Variants in SIRPG observed in about 807,000 individuals in gnomAD.
SIRPG encodes signal-regulatory protein gamma.
In SIRPG, 38 loss-of-function variants were observed where a neutral mutation model predicts 35.7. The ratio of observed to expected loss-of-function variants is 1.06; its 90% confidence interval spans 0.82 to 1.40. The LOEUF (loss-of-function observed/expected upper bound fraction) is 1.40, where lower values mean the gene tolerates loss of function less well. Ranked by LOEUF, SIRPG falls within the 40% of genes most tolerant of loss-of-function variation. The pLI is 0.00. For missense variants in SIRPG, 519 were observed against 483.0 expected, an observed-to-expected ratio of 1.07 and a Z score of -0.70; for synonymous variants, 215 against 190.4, an observed-to-expected ratio of 1.13 and a Z score of -1.06.
chr20:1,632,935 C>G (rs1337609313), intron 4 of SIRPG, among the ~76,000 whole-genome samples: 1 of 151,844 alleles, frequency 6.6e-6, no homozygotes, highest in Non-Finnish European at 1.5e-5. Flanking sequence ...AACACAAAAA[C>G]AATTTAAAAA....
chr20:1,659,922 C>T (rs1032197206), upstream of SIRPG, among the ~76,000 whole-genome samples: 2 of 152,128 alleles, frequency 1.3e-5, no homozygotes, highest in African/African-American at 4.8e-5. Context: ...GCAAGAATCA[C>T]CAAAGATTTG....
At chr20:1,661,388 G>A (rs909335076), upstream of SIRPG, among the ~76,000 whole-genome samples, 2 of 152,228 alleles carry the variant, frequency 1.3e-5, no homozygotes, top group African/African-American at 2.4e-5. Context: ...TCCAAATCTT[G>A]TCTCATGCTG....
At chr20:1,669,348 A>C in the SIRPG span, among the ~76,000 whole-genome samples, 8 of 152,192 alleles carry the variant, frequency 5.3e-5, no homozygotes, top group Non-Finnish European at 7.3e-5. Flanking sequence ...AGGAAGGGAG[A>C]GTATAGATGA....
At chr20:1,667,138 C>T in the SIRPG span, among the ~76,000 whole-genome samples, 4 of 152,294 alleles carry the variant, frequency 2.6e-5, no homozygotes, top group African/African-American at 9.6e-5. Context: ...CTCAAGTGAT[C>T]CCCCTGCCTT....
At chr20:1,663,548 G>T in the SIRPG span, among the ~76,000 whole-genome samples, 1 of 152,206 alleles carries the variant, frequency 6.6e-6, no homozygotes, top group Non-Finnish European at 1.5e-5. Flanking sequence ...ACTGTTGGAA[G>T]CTTGAAACTG....
chr20:1,654,750 C>T (rs12625872), intron 1 of SIRPG, among the ~76,000 whole-genome samples: 1 of 152,106 alleles, frequency 6.6e-6, no homozygotes, highest in Admixed American at 6.5e-5. Flanking sequence ...AAGAGACAAC[C>T]TATAGAATGG....
chr20:1,667,607 C>T, the SIRPG span, among the ~76,000 whole-genome samples: 3 of 152,134 alleles, frequency 2.0e-5, no homozygotes, highest in Non-Finnish European at 2.9e-5. Context: ...AAGACTGGCA[C>T]TAGGGAGGCT....
At chr20:1,661,656 T>C (rs4814413), upstream of SIRPG, among the ~76,000 whole-genome samples, 35,170 of 152,130 alleles carry the variant, frequency 0.23, 4,360 homozygotes, top group Admixed American at 0.34. Flanking sequence ...GGGCATCTGC[T>C]TATCTGCTAT....
the SIRPG span, among the ~76,000 whole-genome samples, chr20:1,673,974 C>G: frequency 4.1e-4 from 62 of 152,194 alleles, no homozygotes; most frequent in Admixed American, 7.8e-4. Flanking sequence ...CTAAGGCCTG[C>G]TCCATGGGAA....
the SIRPG span, among the ~76,000 whole-genome samples, chr20:1,672,238 T>A: frequency 3.9e-5 from 6 of 152,180 alleles, no homozygotes; most frequent in African/African-American, 1.2e-4. Flanking sequence ...GGATGCTTCA[T>A]ATAAGTGAAC....
At position 1,636,231 on chromosome 20, in the gene SIRPG, C is replaced by A; in HGVS notation, c.705G>T (p.Gly235=). ...AGTTGGCAGTCCCACGAAGAGGGTC[C>A]CCCTGCAAGGTGACATGGGCCACCT... ...ICEVAHVTLQ[G]DPLRGTANLS... The change falls in exon 3 of 6, where the codon GGG becomes GGT. Residue 235 remains glycine, a synonymous_variant. Transcript: ENST00000303415. The A allele has an allele frequency of 6.2e-7, 1 of 1,614,160 alleles. No individual in the cohort carries two copies. Among genetic ancestry groups the A allele is most frequent in the Non-Finnish European group, 8.5e-7 (1 of 1,180,014 alleles).
chr20:1,658,580 T>A (rs938662763), upstream of SIRPG, among the ~76,000 whole-genome samples: 9 of 151,928 alleles, frequency 5.9e-5, no homozygotes, highest in Non-Finnish European at 1.3e-4. Context: ...CTGCCAAGAG[T>A]GTGTGCCAAG....
intron 4 of SIRPG, among the ~76,000 whole-genome samples, chr20:1,631,941 A>G (rs2091754148): frequency 2.0e-5 from 3 of 152,246 alleles, no homozygotes. Context: ...CGTGAAAGCA[A>G]GAGGACTTCT....
chr20:1,666,191 A>C, the SIRPG span, among the ~76,000 whole-genome samples: 1 of 152,154 alleles, frequency 6.6e-6, no homozygotes, highest in East Asian at 1.9e-4. Flanking sequence ...TAAAGAGAAA[A>C]AAATTTTTGT....
intron 2 of SIRPG, 72 bp from the exon 3 acceptor site, chr20:1,636,577 G>T: frequency 6.9e-7 from 1 of 1,450,698 alleles, no homozygotes; most frequent in Non-Finnish European, 9.6e-7. Flanking sequence ...GTGTGACACT[G>T]TTAAGAACCT....
At chr20:1,677,527 A>G in the SIRPG span, among the ~76,000 whole-genome samples, 4 of 152,184 alleles carry the variant, frequency 2.6e-5, no homozygotes, top group African/African-American at 9.7e-5. Context: ...CCAACACACC[A>G]TGAAGATGCA....
rs1024803591 is a variant in SIRPG at position 1,635,533 on chromosome 20, T to G, written c.815A>C (p.Gln272Pro). The G allele has an allele frequency of 6.2e-7, 1 of 1,614,090 alleles. No homozygotes were observed. The highest frequency in any genetic ancestry group is 1.3e-5 in the African/African-American group (1 of 74,938). ...RVGNQVNVTC[Q>P]VRKFYPQSLQ... ...GCTCTGGGGGTAGAACTTCCTCACC[T>G]GGCAGGTGACGTTTACCTGGTTCCC... Residue 272 changes from glutamine to proline, a missense_variant, in exon 4 of 6, where the codon CAG becomes CCG. Coordinates refer to ENST00000303415, the MANE Select transcript of SIRPG (RefSeq NM_018556.4).
At chr20:1,641,335 T>A (rs1179958190) in intron 2 of SIRPG, among the ~76,000 whole-genome samples, 1 of 152,200 alleles carries the variant, frequency 6.6e-6, no homozygotes, top group Non-Finnish European at 1.5e-5. Flanking sequence ...GGTTTAGTCT[T>A]GGGAGGGTGT....
chr20:1,651,214 T>C (rs1033901114), intron 1 of SIRPG: 1 of 152,118 alleles, frequency 6.6e-6, no homozygotes, highest in Admixed American at 6.5e-5. Flanking sequence ...TTTTAAAAAA[T>C]CATATTTACC....
Sources: allele counts gnomAD v4.1 joint callset (sites outside exome capture counted in the v4.1 genomes callset), GRCh38; gene constraint gnomAD v4.1.1; transcripts MANE v1.5; gene names NCBI Gene and HGNC (gene_info 2026-07-23, HGNC 2026-07-21).